Variants in ZNF79 observed in about 807,000 individuals in gnomAD.
The protein encoded by ZNF79 is ZNFpT7.
Under a neutral mutation model 14.9 loss-of-function variants are expected in ZNF79, and 13 were observed. The observed-to-expected ratio is 0.87, with a 90% CI of 0.57 to 1.38. The LOEUF is 1.38. ZNF79 is among the 40% of genes most tolerant of loss of function. The probability of loss-of-function intolerance (pLI) is 0.00; values close to 1 mark genes in which losing one functional copy is unlikely to be tolerated. For synonymous variants in ZNF79, 223 were observed against 235.1 expected, an observed-to-expected ratio of 0.95 and a Z score of 0.47; for missense variants, 631 against 630.6, an observed-to-expected ratio of 1.00 and a Z score of -0.01.
At chr9:127,431,147 T>C (rs1833852299) in intron 2 of ZNF79, among the ~76,000 whole-genome samples, 1 of 152,238 alleles carries the variant, frequency 6.6e-6, no homozygotes, top group Non-Finnish European at 1.5e-5. Context: ...TTTCTTGCTT[T>C]AAGTTCCTTA....
chr9:127,435,306 T>C, intron 3 of ZNF79, 90 bp downstream of exon 3: 1 of 1,408,488 alleles, frequency 7.1e-7, no homozygotes, highest in Non-Finnish European at 9.5e-7. Context: ...TTCTGACTGG[T>C]GTGATGTACC....
chr9:127,431,648 C>A (rs753928112), intron 2 of ZNF79, among the ~76,000 whole-genome samples: 3 of 152,132 alleles, frequency 2.0e-5, no homozygotes, highest in Non-Finnish European at 4.4e-5. Flanking sequence ...GCCAAGGATT[C>A]TTTGCCAGAA....
intron 4 of ZNF79, among the ~76,000 whole-genome samples, chr9:127,439,036 C>T (rs1023097642): frequency 1.3e-5 from 2 of 151,682 alleles, no homozygotes; most frequent in Admixed American, 6.6e-5. Context: ...CGCTTGAACC[C>T]GGGAGGCAGA....
chr9:127,434,018 C>T (rs1833903467), intron 2 of ZNF79, among the ~76,000 whole-genome samples: 2 of 152,220 alleles, frequency 1.3e-5, no homozygotes, highest in African/African-American at 2.4e-5. Flanking sequence ...AAAAGCATCA[C>T]ATTTATCAAG....
intron 4 of ZNF79, among the ~76,000 whole-genome samples, chr9:127,440,154 G>A (rs1241394967): frequency 1.3e-5 from 2 of 152,164 alleles, no homozygotes; most frequent in Non-Finnish European, 2.9e-5. Flanking sequence ...GAGCCACCGC[G>A]CCCGGCCCAC....
In ZNF79 at chr9:127,444,566, G is replaced by T; in HGVS notation, c.866G>T (p.Cys289Phe). Residue 289 changes from cysteine to phenylalanine, a missense_variant, in exon 5 of 5, where the codon TGC becomes TTC. By Grantham distance (205) the Cys-to-Phe change is radical. Transcript: ENST00000342483. ...GAGTGTGAGAAAGCCTTCAGTGACTGCTCAGCTCTTGTTCAGCATCAGAGA... is the reference window on the plus strand; with the variant it reads ...GAGTGTGAGAAAGCCTTCAGTGACTTCTCAGCTCTTGTTCAGCATCAGAGA... ...CSECEKAFSD[C>F]SALVQHQRIH... is the part of the protein sequence containing the mutation. 6.2e-7 allele frequency: 1 copy of T among 1,614,166 alleles called. No homozygotes were observed.
Position 127,428,859 on chromosome 9 carries a change from C to G in ZNF79, c.44C>G (p.Pro15Arg). ...GVLPSPGPAL[P>R]QEENTGEEGM... ...CTGCCTTCCCCAGGCCCTGCCCTTC[C>G]CCAAGAGGAAAACACAGGAGAGGAA... Residue 15 changes from proline to arginine, a missense_variant, in exon 2 of 5, where the codon CCC becomes CGC. Transcript: ENST00000342483. 1 of 1,606,220 alleles carries G rather than the reference C, an allele frequency of 6.2e-7. No individual in the cohort carries two copies. Among genetic ancestry groups the G allele is most frequent in the Non-Finnish European group, 8.5e-7 (1 of 1,175,802 alleles).
chr9:127,436,083 C>T, intron 4 of ZNF79, 80 bp downstream of exon 4: 1 of 1,209,280 alleles, frequency 8.3e-7, no homozygotes, highest in South Asian at 1.2e-5. Flanking sequence ...ATTTGATTAT[C>T]ATAACAACTG....
chr9:127,430,771 T>G (rs1161573298), intron 2 of ZNF79, among the ~76,000 whole-genome samples: 1 of 152,224 alleles, frequency 6.6e-6, no homozygotes, highest in Non-Finnish European at 1.5e-5. Flanking sequence ...GAATGATTTC[T>G]TTTCCTTTGA....
At chr9:127,435,039 C>T in intron 2 of ZNF79, 51 bp from the exon 3 acceptor site, 1 of 1,541,038 alleles carries the variant, frequency 6.5e-7, no homozygotes, top group South Asian at 1.2e-5. Flanking sequence ...CCACCCCTAT[C>T]ACCCTAGATC....
intron 2 of ZNF79, among the ~76,000 whole-genome samples, chr9:127,434,801 A>G (rs1377018936): frequency 2.0e-5 from 3 of 152,084 alleles, no homozygotes; most frequent in Non-Finnish European, 2.9e-5. Context: ...GGCACGCACC[A>G]CCACGCCCAA....
chr9:127,431,327 G>C (rs1211273314), intron 2 of ZNF79, among the ~76,000 whole-genome samples: 4 of 150,782 alleles, frequency 2.7e-5, no homozygotes, highest in Admixed American at 2.6e-4. Flanking sequence ...CACAATCTCA[G>C]CTCACTGCAG....
At chr9:127,430,853 C>G (rs573955887) in intron 2 of ZNF79, among the ~76,000 whole-genome samples, 1 of 152,318 alleles carries the variant, frequency 6.6e-6, no homozygotes, top group South Asian at 2.1e-4. Context: ...AATCTCCAAA[C>G]TGTTTTTCCG....
At chr9:127,428,226 C>T (rs980424932) in intron 1 of ZNF79, among the ~76,000 whole-genome samples, 1 of 152,114 alleles carries the variant, frequency 6.6e-6, no homozygotes, top group Non-Finnish European at 1.5e-5. Context: ...AGCAGTCTGC[C>T]CACATCAGCC....
chr9:127,427,820 A>T (rs1018559442), intron 1 of ZNF79, among the ~76,000 whole-genome samples: 1 of 152,052 alleles, frequency 6.6e-6, no homozygotes, highest in Non-Finnish European at 1.5e-5. Context: ...CAGCCTCTTC[A>T]CTTTCTTGAC....
At chr9:127,434,235 C>T (rs1354956388) in intron 2 of ZNF79, among the ~76,000 whole-genome samples, 2 of 152,122 alleles carry the variant, frequency 1.3e-5, no homozygotes, top group Middle Eastern at 3.2e-3. Context: ...TGCCTTCTCT[C>T]TGTGGTCCTC....
In ZNF79 at chr9:127,444,603, A is replaced by C. The variant is rs374439852; in HGVS notation, c.903A>C (p.Gly301=). The C allele has an allele frequency of 6.2e-7, 1 of 1,613,846 alleles. No homozygotes were observed. The highest frequency in any genetic ancestry group is 8.5e-7 in the Non-Finnish European group (1 of 1,179,986). ...TTCAGCATCAGAGAATTCATACCGG[A>C]GAGAAGCCCTACGAATGCAGCGACT... is the stretch of plus-strand genomic sequence containing the variant. The part of the protein sequence containing the change: ...ALVQHQRIHT[G]EKPYECSDCG... The change falls in exon 5 of 5, where the codon GGA becomes GGC. Residue 301 remains glycine (G), a synonymous_variant. Coordinates refer to ENST00000342483, the MANE Select transcript of ZNF79 (RefSeq NM_007135.3).
intron 4 of ZNF79, among the ~76,000 whole-genome samples, chr9:127,437,345 C>CT (rs138821072): frequency 6.6e-6 from 1 of 151,766 alleles, no homozygotes; most frequent in Admixed American, 6.6e-5. Context: ...AAGGCCCCCC[C>CT]CCGCTGCCTG....
At chr9:127,431,120 T>C in intron 2 of ZNF79, among the ~76,000 whole-genome samples, 1 of 152,114 alleles carries the variant, frequency 6.6e-6, no homozygotes, top group Non-Finnish European at 1.5e-5. Flanking sequence ...CTTTTTAACG[T>C]GGTTATTTGT....
Sources: gnomAD v4.1 joint callset for allele counts (sites outside exome capture counted in the v4.1 genomes callset) on GRCh38, gnomAD v4.1.1 for gene constraint, MANE v1.5 for transcripts, NCBI Gene and HGNC (gene_info 2026-07-23, HGNC 2026-07-21) for gene names.